Variants in HERPUD1 observed in about 807,000 individuals in gnomAD.
The protein encoded by HERPUD1 is homocysteine inducible ER protein with ubiquitin like domain 1.
Under a neutral mutation model 45.0 loss-of-function variants are expected in HERPUD1, and 17 were observed. That is an observed-to-expected ratio of 0.38 (90% CI 0.26 to 0.57). The LOEUF (loss-of-function observed/expected upper bound fraction) is 0.57, where lower values mean the gene tolerates loss of function less well. HERPUD1 is among the 20% of genes least tolerant of loss of function. The pLI is 0.72. For missense variants in HERPUD1, 420 were observed against 490.5 expected, an observed-to-expected ratio of 0.86 and a Z score of 1.36; for synonymous variants, 164 against 177.5, an observed-to-expected ratio of 0.92 and a Z score of 0.61.
Position 56,942,146 on chromosome 16 carries a change from G to A in HERPUD1, c.920G>A (p.Trp307Ter). Residue 307 changes from tryptophan to a stop codon, truncating the protein, a stop_gained, in exon 7 of 8, where the codon TGG becomes TAG. Transcript: ENST00000439977. LOFTEE classifies it high-confidence loss of function. ...TTCCTTTGAAGGCATCACGTTGGGT[G>A]GTTTCCATTTAGACCGAGGCCGGTT... is the stretch of plus-strand genomic sequence containing the variant. ...TVVMYLHHVGWFPFRPRPVQN... is the reference protein window; with the variant it reads ...TVVMYLHHVG 6.2e-7 allele frequency: 1 copy of A among 1,613,862 alleles called. No homozygotes were observed. Among genetic ancestry groups the A allele is most frequent in the Non-Finnish European group, 8.5e-7 (1 of 1,179,766 alleles).
intron 6 of HERPUD1, chr16:56,941,774 G>GT (rs2055911542): frequency 6.3e-6 from 1 of 158,630 alleles, no homozygotes; most frequent in African/African-American, 2.4e-5. Flanking sequence ...CCAAATGTAG[G>GT]TTGTCATTAT....
chr16:56,936,589 A>C, intron 3 of HERPUD1, 98 bp from the exon 4 acceptor site: 457 of 1,070,732 alleles, frequency 4.3e-4, no homozygotes, highest in Non-Finnish European at 5.3e-4. Context: ...GGTGGGGGGT[A>C]GGAGATGTAA....
chr16:56,935,437 G>A lies in HERPUD1; in HGVS notation c.262G>A (p.Val88Met), dbSNP rs2055859183. Residue 88 changes from valine to methionine, a missense_variant, in exon 3 of 8, where the codon GTG becomes ATG. Transcript: ENST00000439977. The stretch of plus-strand genomic sequence containing the variant: ...GCATGTTTTGCATCTGGTGTGCAAT[G>A]TGAAGAGTCCTTCAAAAATGCCAGA... The part of the protein sequence containing the change: ...KRHVLHLVCN[V>M]KSPSKMPEIN... The A allele has an allele frequency of 6.2e-7, 1 of 1,614,210 alleles. No individual in the cohort carries two copies. Among genetic ancestry groups the A allele is most frequent in the Non-Finnish European group, 8.5e-7 (1 of 1,180,026 alleles).
Position 56,943,899 on chromosome 16 carries a change from C to T in HERPUD1, c.*609C>T, listed in dbSNP as rs1466353027. 1.6e-5 allele frequency: 3 copies of T among 191,214 alleles called. No homozygotes were observed. Among genetic ancestry groups the T allele is most frequent in the African/African-American group, 7.1e-5 (3 of 42,472 alleles). 11.8% of individuals were successfully genotyped at this position (191,214 alleles called of 1,614,324 possible). On this transcript the variant is annotated 3_prime_UTR_variant, in exon 8 of 8. Transcript: ENST00000439977. ...TGACCCTGGCAGAGACTCCTGTCAT[C>T]CTAGCAGTTTACTCTGCGTTTGTTG... is the stretch of plus-strand genomic sequence containing the variant.
At chr16:56,939,092 G>C (rs186540587) in intron 4 of HERPUD1, 145 bp from the exon 5 acceptor site, 1 of 793,814 alleles carries the variant, frequency 1.3e-6, no homozygotes, top group East Asian at 2.6e-5. Context: ...ACATGGGTGC[G>C]TCATACAGTC....
intron 6 of HERPUD1, chr16:56,941,240 G>A (rs1336069955): frequency 6.6e-6 from 1 of 152,200 alleles, no homozygotes; most frequent in Admixed American, 6.5e-5. Flanking sequence ...TGTTAGCATG[G>A]CCCTGAAAGG....
chr16:56,939,382 GGT>G (rs2055891621), intron 5 of HERPUD1, 23 bp downstream of exon 5: 1 of 1,613,614 alleles, frequency 6.2e-7, no homozygotes, highest in African/African-American at 1.3e-5. Flanking sequence ...CGCCATGCTG[GGT>G]GTGGCCAGGG....
At chr16:56,932,797 A>G (rs2055837524) in intron 1 of HERPUD1, among the ~76,000 whole-genome samples, 1 of 152,044 alleles carries the variant, frequency 6.6e-6, no homozygotes, top group Non-Finnish European at 1.5e-5. Context: ...GGCTTGAGAA[A>G]CCTGGGGACC....
At chr16:56,938,338 C>T (rs9938413) in intron 4 of HERPUD1, among the ~76,000 whole-genome samples, 18,145 of 152,010 alleles carry the variant, frequency 0.12, 1,118 homozygotes, top group Admixed American at 0.13. Flanking sequence ...CCAAGGTGGG[C>T]GGATCACGAG....
rs1442981290 is a variant in HERPUD1 at position 56,943,538 on chromosome 16, T to G, written c.*248T>G. 1 of 546,016 alleles carries G rather than the reference T, an allele frequency of 1.8e-6. No homozygotes were observed. The highest frequency in any genetic ancestry group is 3.0e-5 in the Admixed American group (1 of 33,612). 33.8% of individuals were successfully genotyped at this position (546,016 alleles called of 1,614,324 possible). ...TTAATATATACTCTATGTAGTTTAA[T>G]AAGCACTGTACGTAGAAGGCCTTAG... On this transcript the variant is annotated 3_prime_UTR_variant, in exon 8 of 8. Transcript: ENST00000439977.
intron 4 of HERPUD1, 38 bp from the exon 5 acceptor site, chr16:56,939,199 C>A: frequency 1.2e-6 from 2 of 1,604,216 alleles, no homozygotes; most frequent in Non-Finnish European, 1.7e-6. Context: ...TCATACTCAA[C>A]CCACTCAAAA....
intron 6 of HERPUD1, chr16:56,940,793 C>G (rs1263409845): frequency 2.6e-5 from 4 of 151,992 alleles, no homozygotes; most frequent in African/African-American, 9.7e-5. Flanking sequence ...GAAACCCCGT[C>G]TCTACTAAAA....
At chr16:56,935,372 G>T (rs2055858473) in intron 2 of HERPUD1, 29 bp from the exon 3 acceptor site, 5 of 1,613,250 alleles carry the variant, frequency 3.1e-6, no homozygotes, top group South Asian at 1.1e-5. Context: ...TTAGGTTCAG[G>T]TCCTTAAGTA....
chr16:56,932,160 G>GCAGAGA lies in HERPUD1; in HGVS notation c.-85_-84insCAGAGA. 6.4e-7 allele frequency: 1 copy of GCAGAGA among 1,556,920 alleles called. No homozygotes were observed. On this transcript the variant is annotated 5_prime_UTR_variant, in exon 1 of 8. Coordinates refer to ENST00000439977, the MANE Select transcript of HERPUD1 (RefSeq NM_014685.4). ...GGCGCGCGCCCCAGAGACGTGAACT[G>GCAGAGA]TCGTTGCAGAGATTGCGGGCGGCTG...
intron 7 of HERPUD1, 52 bp from the exon 8 acceptor site, chr16:56,943,074 G>T: frequency 1.3e-6 from 2 of 1,564,518 alleles, no homozygotes; most frequent in Non-Finnish European, 1.8e-6. Flanking sequence ...GTTCATCATA[G>T]CCCTAATTGT....
intron 3 of HERPUD1, 69 bp downstream of exon 3, chr16:56,935,544 T>C (rs2055860446): frequency 2.2e-6 from 3 of 1,337,630 alleles, no homozygotes; most frequent in Non-Finnish European, 3.2e-6. Flanking sequence ...ATAAAAGAAG[T>C]TGGATAAAAC....
At chr16:56,939,440 C>A in intron 5 of HERPUD1, 81 bp downstream of exon 5, 1 of 1,544,080 alleles carries the variant, frequency 6.5e-7, no homozygotes, top group South Asian at 1.1e-5. Flanking sequence ...CTGTAAAGTT[C>A]AGAATGGAGG....
chr16:56,937,040 G>GAA (rs113309114), intron 4 of HERPUD1: 21 of 307,318 alleles, frequency 6.8e-5, no homozygotes, highest in African/African-American at 1.6e-4. Context: ...TGCATATATT[G>GAA]AAAAAAAAAA....
At chr16:56,940,548 T>G in intron 6 of HERPUD1, 1 of 309,420 alleles carries the variant, frequency 3.2e-6, no homozygotes, top group South Asian at 4.3e-5. Context: ...TCAAGTGATC[T>G]GCCCACCTTG....
Sources: allele counts gnomAD v4.1 joint callset (sites outside exome capture counted in the v4.1 genomes callset), GRCh38; gene constraint gnomAD v4.1.1; transcripts MANE v1.5; gene names NCBI Gene and HGNC (gene_info 2026-07-23, HGNC 2026-07-21).